TSHR: variants seen among roughly 807,000 people sequenced by gnomAD.
The protein encoded by TSHR is thyrotropin receptor.
In TSHR, 51 loss-of-function variants were observed where a neutral mutation model predicts 64.1. The ratio of observed to expected loss-of-function variants is 0.80; its 90% CI spans 0.64 to 1.01. TSHR has a LOEUF of 1.01. Ranked by LOEUF, TSHR falls within the 50% of genes least tolerant of loss-of-function variation. The pLI is 0.00. For missense variants in TSHR, 877 were observed against 942.8 expected, an observed-to-expected ratio of 0.93 and a Z score of 0.91; for synonymous variants, 361 against 361.9, an observed-to-expected ratio of 1.00 and a Z score of 0.03.
intron 1 of TSHR, among the ~76,000 whole-genome samples, chr14:81,025,481 G>A (rs1884002541): frequency 6.6e-6 from 1 of 151,712 alleles, no homozygotes; most frequent in Non-Finnish European, 1.5e-5. Context: ...AGAAGAGATG[G>A]GAAGTTGGTT....
intron 3 of TSHR, among the ~76,000 whole-genome samples, chr14:81,070,304 T>C (rs2139916251): frequency 6.6e-6 from 1 of 152,108 alleles, no homozygotes; most frequent in South Asian, 2.1e-4. Flanking sequence ...ATAGTAAAAT[T>C]GCTAAAAACC....
intron 1 of TSHR, among the ~76,000 whole-genome samples, chr14:80,969,453 C>T (rs1174807547): frequency 1.1e-4 from 16 of 152,168 alleles, no homozygotes; most frequent in Non-Finnish European, 2.9e-5. Context: ...AAATGAATTA[C>T]TATTTCTTAC....
intron 2 of TSHR, among the ~76,000 whole-genome samples, chr14:81,064,289 A>G (rs1886449202): frequency 6.6e-6 from 1 of 152,168 alleles, no homozygotes; most frequent in South Asian, 2.1e-4. Flanking sequence ...GATTTGAGAC[A>G]TAAATAAGGG....
chr14:81,091,262 G>T (rs937410283), intron 5 of TSHR, 119 bp downstream of exon 5: 2 of 897,166 alleles, frequency 2.2e-6, no homozygotes, highest in Admixed American at 3.8e-5. Flanking sequence ...AGTAAGCAAT[G>T]ATCAGGTGTG....
chr14:80,972,297 T>A (rs1449131041), intron 1 of TSHR, among the ~76,000 whole-genome samples: 1 of 152,216 alleles, frequency 6.6e-6, no homozygotes, highest in Non-Finnish European at 1.5e-5. Context: ...CTGTGGGGTT[T>A]TTTTTGCTCA....
chr14:81,132,729 G>A (rs1891299354), intron 8 of TSHR, among the ~76,000 whole-genome samples: 1 of 152,168 alleles, frequency 6.6e-6, no homozygotes, highest in Admixed American at 6.5e-5. Context: ...TTTGAAGAGA[G>A]TGCCAGAGTC....
At chr14:81,116,386 C>A in intron 8 of TSHR, among the ~76,000 whole-genome samples, 1 of 120,678 alleles carries the variant, frequency 8.3e-6, no homozygotes, top group Non-Finnish European at 1.7e-5. Context: ...CAATCCTAGT[C>A]TCTGATAAAA....
intron 3 of TSHR, among the ~76,000 whole-genome samples, chr14:81,076,022 A>G (rs1407937637): frequency 6.6e-6 from 1 of 152,130 alleles, no homozygotes; most frequent in Non-Finnish European, 1.5e-5. Context: ...GGAAATCATC[A>G]TTCTCAGTAA....
chr14:81,013,583 T>A (rs1594951858), intron 1 of TSHR: 1 of 152,312 alleles, frequency 6.6e-6, no homozygotes, highest in East Asian at 1.9e-4. Flanking sequence ...CAATAAAAAT[T>A]TACAGCTACT....
At chr14:81,081,333 G>A (rs995629952) in intron 3 of TSHR, among the ~76,000 whole-genome samples, 2 of 152,050 alleles carry the variant, frequency 1.3e-5, no homozygotes, top group Non-Finnish European at 2.9e-5. Context: ...ATCAAATGAT[G>A]AGAGTTTTTT....
intron 1 of TSHR, among the ~76,000 whole-genome samples, chr14:81,019,103 T>C (rs1883582641): frequency 6.6e-6 from 1 of 152,146 alleles, no homozygotes; most frequent in Non-Finnish European, 1.5e-5. Context: ...AGACATATGA[T>C]AAATCATATA....
intron 3 of TSHR, among the ~76,000 whole-genome samples, chr14:81,073,017 A>T (rs1308185228): frequency 1.1e-5 from 1 of 91,196 alleles, no homozygotes; most frequent in African/African-American, 4.5e-5. Context: ...AAAAATAAAA[A>T]ATAAATATAT....
chr14:81,086,858 A>C (rs1219487106), intron 3 of TSHR, among the ~76,000 whole-genome samples: 2 of 152,246 alleles, frequency 1.3e-5, no homozygotes, highest in African/African-American at 4.8e-5. Context: ...ATTTATATGA[A>C]ATGTCCAGAT....
At chr14:81,113,155 T>C (rs1890303607) in intron 8 of TSHR, among the ~76,000 whole-genome samples, 1 of 152,128 alleles carries the variant, frequency 6.6e-6, no homozygotes, top group South Asian at 2.1e-4. Context: ...CAAAATAATA[T>C]AGGCATGAGA....
intron 1 of TSHR, among the ~76,000 whole-genome samples, chr14:80,996,391 A>AT (rs1479125848): frequency 6.6e-6 from 1 of 151,888 alleles, no homozygotes; most frequent in African/African-American, 2.4e-5. Flanking sequence ...ATTCGTATTC[A>AT]TTTTTTTAAA....
intron 3 of TSHR, among the ~76,000 whole-genome samples, chr14:81,070,355 G>A (rs902877177): frequency 4.6e-5 from 7 of 152,058 alleles, no homozygotes; most frequent in South Asian, 2.1e-4. Flanking sequence ...AAGGCTGGGC[G>A]CGCTGGCTCA....
chr14:80,995,236 G>A (rs1203070107), intron 1 of TSHR: 1 of 152,166 alleles, frequency 6.6e-6, no homozygotes, highest in African/African-American at 2.4e-5. Context: ...CCTGTTGGGA[G>A]TGTAAATTAA....
intron 1 of TSHR, among the ~76,000 whole-genome samples, chr14:81,016,229 G>A (rs538713783): frequency 2.6e-5 from 4 of 152,060 alleles, no homozygotes; most frequent in Admixed American, 6.5e-5. Context: ...GTACCAATTT[G>A]CAATCCTACC....
intron 8 of TSHR, among the ~76,000 whole-genome samples, chr14:81,119,509 C>A: frequency 7.5e-6 from 1 of 133,860 alleles, no homozygotes; most frequent in South Asian, 2.6e-4. Flanking sequence ...GAATGGCAAT[C>A]ATTAAAAAGT....
Sources: allele counts gnomAD v4.1 joint callset (sites outside exome capture counted in the v4.1 genomes callset), GRCh38; gene constraint gnomAD v4.1.1; transcripts MANE v1.5; gene names NCBI Gene and HGNC (gene_info 2026-07-23, HGNC 2026-07-21).